The following COL4A6 variants were observed in gnomAD, a reference collection of about 807,000 sequenced individuals.
COL4A6 encodes the protein collagen alpha-6(IV) chain.
COL4A6 carries 59 observed loss-of-function variants against 126.7 expected under a neutral mutation model. That is an observed-to-expected ratio of 0.47 (90% CI 0.38 to 0.58). COL4A6 has a LOEUF of 0.58. Ranked by LOEUF, COL4A6 falls within the 20% of genes least tolerant of loss-of-function variation. The pLI is 0.00. For missense variants in COL4A6, 1,285 were observed against 1,337.3 expected (o/e 0.96, Z 0.61); for synonymous variants, 547 against 496.6 (o/e 1.10, Z -1.35).
intron 3 of COL4A6, among the ~76,000 whole-genome samples, chrX:108,282,531 A>G (rs1457895224): frequency 9.0e-6 from 1 of 111,458 alleles, no homozygotes; most frequent in Non-Finnish European, 1.9e-5. Flanking sequence ...AAATACGAAC[A>G]GTTTTACATT....
intron 2 of COL4A6, among the ~76,000 whole-genome samples, chrX:108,338,403 T>C (rs1347946024): frequency 8.9e-6 from 1 of 112,039 alleles, no homozygotes; most frequent in Non-Finnish European, 1.9e-5. Context: ...GAACAAGGAA[T>C]AGTCTTGGGA....
Position 108,437,972 on chromosome X carries a change from C to T in COL4A6, c.33G>A (p.Thr11=). The change falls in exon 2 of 45, where the codon ACG becomes ACA. Residue 11 remains threonine (T), a synonymous_variant. Transcript: ENST00000334504. MHPGLWLLLV[T]LCLTEELAAA... ...CTGCCAGTTCCTCGGTCAGGCACAACGTAACCAGGAGCAGCCACAACCTGA... is the reference window on the plus strand; with the variant it reads ...CTGCCAGTTCCTCGGTCAGGCACAATGTAACCAGGAGCAGCCACAACCTGA... The T allele has an allele frequency of 8.3e-7, 1 of 1,210,929 alleles. No individual in the cohort carries two copies. Among genetic ancestry groups the T allele is most frequent in the Non-Finnish European group, 1.1e-6 (1 of 895,204 alleles).
intron 2 of COL4A6, among the ~76,000 whole-genome samples, chrX:108,394,691 G>C (rs1028340046): frequency 2.2e-4 from 25 of 111,965 alleles, no homozygotes; most frequent in African/African-American, 7.5e-4. Context: ...TCGTCTACTT[G>C]TGGAATCACT....
intron 3 of COL4A6, among the ~76,000 whole-genome samples, chrX:108,307,068 G>A (rs780072080): frequency 9.4e-6 from 1 of 106,829 alleles, no homozygotes; most frequent in Non-Finnish European, 1.9e-5. Context: ...AGAAGTGTTG[G>A]AAATGTCAAC....
intron 3 of COL4A6, among the ~76,000 whole-genome samples, chrX:108,276,391 C>A (rs1375591784): frequency 8.9e-6 from 1 of 112,656 alleles, no homozygotes; most frequent in Admixed American, 9.4e-5. Flanking sequence ...CACAGATTCT[C>A]ATTGTCTTTG....
At chrX:108,393,694 G>A (rs1372185669) in intron 2 of COL4A6, among the ~76,000 whole-genome samples, 1 of 112,311 alleles carries the variant, frequency 8.9e-6, no homozygotes, top group Non-Finnish European at 1.9e-5. Context: ...GTCATAGCAT[G>A]GTTGAAATTA....
chrX:108,243,254 A>G (rs1349737218), intron 3 of COL4A6, among the ~76,000 whole-genome samples: 2 of 111,270 alleles, frequency 1.8e-5, no homozygotes, highest in Non-Finnish European at 3.8e-5. Context: ...ATTTTAGGGT[A>G]TGTTATGAAC....
intron 3 of COL4A6, among the ~76,000 whole-genome samples, chrX:108,262,430 A>T (rs769532920): frequency 9.0e-6 from 1 of 111,637 alleles, no homozygotes; most frequent in South Asian, 3.8e-4. Context: ...TTAATGTGTT[A>T]TTTCTGTTTA....
Position 108,392,081 on chromosome X carries a change from C to T in COL4A6, c.63+45861G>A, listed in dbSNP as rs372198048. Among the ~76,000 whole-genome samples the T allele has an allele frequency of 5.8e-4, 65 of 112,138 alleles. 3 individuals are homozygous for T. The East Asian group carries it at 7.5e-3, about 13-fold the overall frequency. On this transcript the variant is annotated intron_variant, in intron 2 of 44. Coordinates refer to ENST00000334504, the MANE Select transcript of COL4A6 (RefSeq NM_033641.4). ...GGATATCCACATGCAAGAGAATGAA[C>T]TCGGACTGCTACATCACACAATATG...
intron 3 of COL4A6, among the ~76,000 whole-genome samples, chrX:108,271,283 T>C (rs1354655026): frequency 9.0e-6 from 1 of 111,521 alleles, no homozygotes; most frequent in Non-Finnish European, 1.9e-5. Flanking sequence ...TCTCACACCA[T>C]TGTTTGTGGT....
chrX:108,355,270 T>A (rs916064647), intron 2 of COL4A6, among the ~76,000 whole-genome samples: 2 of 111,919 alleles, frequency 1.8e-5, no homozygotes, highest in African/African-American at 6.5e-5. Context: ...ACATTCTCAG[T>A]GCTGTCTCCA....
In COL4A6 at chrX:108,162,886, C is replaced by G; in HGVS notation, c.4216+6G>C. 6.1e-6 allele frequency: 7 copies of G among 1,156,290 alleles called. No homozygotes were observed. The highest frequency in any genetic ancestry group is 5.5e-5 in the African/African-American group (3 of 54,264). On this transcript the variant is annotated splice_donor_region_variant and intron_variant, in intron 41 of 44. Transcript: ENST00000334504. ...ACAAATCTCCTTTTTCTGGCACCCT[C>G]CTCACCTTGTAGGCCTACAGGGCCT...
chrX:108,178,963 C>CTA, intron 26 of COL4A6, 118 bp from the exon 27 acceptor site: 1 of 868,700 alleles, frequency 1.2e-6, no homozygotes, highest in Non-Finnish European at 1.6e-6. Context: ...AGCCTTGTTG[C>CTA]TATTCCCAGC....
chrX:108,383,591 T>C, intron 2 of COL4A6: 1 of 515,831 alleles, frequency 1.9e-6, no homozygotes, highest in Admixed American at 3.3e-5. Flanking sequence ...AATAGCTGTT[T>C]CCCTTGTCCA....
chrX:108,313,497 T>G (rs1320732774), intron 2 of COL4A6, among the ~76,000 whole-genome samples: 1 of 111,637 alleles, frequency 9.0e-6, no homozygotes, highest in East Asian at 2.8e-4. Flanking sequence ...CAAAAAAATT[T>G]TTTTAAATCT....
At chrX:108,293,852 G>T (rs759437482) in intron 3 of COL4A6, among the ~76,000 whole-genome samples, 1 of 112,419 alleles carries the variant, frequency 8.9e-6, no homozygotes, top group African/African-American at 3.2e-5. Flanking sequence ...GCAAGAATTT[G>T]CAGGAGCTAT....
chrX:108,207,619 T>C (rs1405321859), intron 8 of COL4A6, among the ~76,000 whole-genome samples: 4 of 111,798 alleles, frequency 3.6e-5, no homozygotes, highest in Admixed American at 9.5e-5. Flanking sequence ...AACCAACTGA[T>C]TGAAATTTTT....
intron 2 of COL4A6, among the ~76,000 whole-genome samples, chrX:108,380,172 T>A (rs1306176527): frequency 8.9e-6 from 1 of 112,520 alleles, no homozygotes; most frequent in Non-Finnish European, 1.9e-5. Flanking sequence ...ATGGAGATAG[T>A]ATATTTAATT....
At chrX:108,273,454 C>T (rs1003520463) in intron 3 of COL4A6, among the ~76,000 whole-genome samples, 1 of 110,866 alleles carries the variant, frequency 9.0e-6, no homozygotes, top group Admixed American at 9.6e-5. Flanking sequence ...CTAGAAATAC[C>T]ATTTGACCCA....
Sources: gnomAD v4.1 joint callset for allele counts (sites outside exome capture counted in the v4.1 genomes callset) on GRCh38, gnomAD v4.1.1 for gene constraint, MANE v1.5 for transcripts, NCBI Gene and HGNC (gene_info 2026-07-23, HGNC 2026-07-21) for gene names.